THADA: variants seen among roughly 807,000 people sequenced by gnomAD.
THADA encodes the protein tRNA (32-2'-O)-methyltransferase regulator THADA.
Under a neutral mutation model 219.8 loss-of-function variants are expected in THADA, and 213 were observed. That is an observed-to-expected ratio of 0.97 (90% confidence interval 0.87 to 1.09). THADA has a LOEUF of 1.09. Ranked by LOEUF, THADA falls within the 50% of genes least tolerant of loss-of-function variation. The probability of loss-of-function intolerance (pLI) is 0.00; values close to 1 mark genes in which losing one functional copy is unlikely to be tolerated. For synonymous variants in THADA, 1,018 were observed against 828.9 expected (o/e 1.23, Z -3.92); for missense variants, 2,956 against 2,311.3 (o/e 1.28, Z -5.72).
chr2:43,547,977 T>C (rs1414971965), intron 20 of THADA, among the ~76,000 whole-genome samples: 3 of 152,206 alleles, frequency 2.0e-5, no homozygotes, highest in Non-Finnish European at 4.4e-5. Context: ...TGCTCTGTTT[T>C]TTCCCCATCT....
intron 20 of THADA, among the ~76,000 whole-genome samples, chr2:43,548,444 T>C (rs1696334163): frequency 6.6e-6 from 1 of 152,186 alleles, no homozygotes; most frequent in Admixed American, 6.5e-5. Flanking sequence ...TGCTGTCTTT[T>C]TGTTTGTTTG....
chr2:43,353,928 C>T (rs1668575478), intron 29 of THADA, among the ~76,000 whole-genome samples: 1 of 152,134 alleles, frequency 6.6e-6, no homozygotes, highest in South Asian at 2.1e-4. Flanking sequence ...CGCCATTCTC[C>T]TGCCTCAGCC....
rs1695616068 is a variant in THADA at position 43,543,642 on chromosome 2, T to A, written c.3107-2326A>T. ...GATGGCCAGTGATGGTGAGCATTTT[T>A]TCATGTGTTTTCTGGCTGCATAAAT... On this transcript the variant is annotated intron_variant, in intron 20 of 37. Coordinates refer to ENST00000405975, the MANE Select transcript of THADA (RefSeq NM_022065.5). Among the ~76,000 whole-genome samples, 3 of 152,364 alleles carry A rather than the reference T, an allele frequency of 2.0e-5. No homozygotes were observed. The South Asian group carries it at 6.2e-4, about 32-fold the overall frequency.
chr2:43,435,997 T>C (rs1013279122), intron 26 of THADA, among the ~76,000 whole-genome samples: 3 of 152,050 alleles, frequency 2.0e-5, no homozygotes, highest in Admixed American at 2.0e-4. Context: ...CTTAATTCTA[T>C]TTAGCCACCT....
At chr2:43,323,406 C>T (rs1047636622) in intron 30 of THADA, among the ~76,000 whole-genome samples, 1 of 152,082 alleles carries the variant, frequency 6.6e-6, no homozygotes, top group Non-Finnish European at 1.5e-5. Context: ...TCTAGTTTAC[C>T]CTGGGACTCT....
chr2:43,504,731 C>G (rs1025889056), intron 24 of THADA, among the ~76,000 whole-genome samples: 5 of 152,172 alleles, frequency 3.3e-5, no homozygotes, highest in African/African-American at 1.2e-4. Context: ...CTGACCTCAG[C>G]TGATTTGCCA....
chr2:43,241,070 C>G (rs201560008), intron 36 of THADA, among the ~76,000 whole-genome samples: 2 of 152,124 alleles, frequency 1.3e-5, no homozygotes, highest in East Asian at 3.9e-4. Flanking sequence ...TCACCGGGCC[C>G]AGGTGGACCC....
chr2:43,324,634 A>C (rs1425064954), intron 30 of THADA, among the ~76,000 whole-genome samples: 2 of 152,176 alleles, frequency 1.3e-5, no homozygotes, highest in Admixed American at 6.5e-5. Context: ...AATTTTTTTC[A>C]TTCTTTTTCT....
intron 26 of THADA, among the ~76,000 whole-genome samples, chr2:43,483,240 G>T (rs1190680182): frequency 6.6e-6 from 1 of 152,112 alleles, no homozygotes; most frequent in Non-Finnish European, 1.5e-5. Context: ...TTCTTAAAGT[G>T]CCCATTACGT....
At chr2:43,307,118 T>C (rs558205401) in intron 31 of THADA, among the ~76,000 whole-genome samples, 5 of 152,174 alleles carry the variant, frequency 3.3e-5, no homozygotes, top group Non-Finnish European at 7.4e-5. Context: ...TGTATGAAAT[T>C]ATTGTTTTTA....
intron 7 of THADA, 47 bp from the exon 8 acceptor site, chr2:43,581,975 G>C: frequency 7.3e-7 from 1 of 1,371,096 alleles, no homozygotes. Context: ...TCAAACAAAA[G>C]TGTGAACATT....
At chr2:43,288,952 A>G (rs940006642) in intron 34 of THADA, among the ~76,000 whole-genome samples, 2 of 152,088 alleles carry the variant, frequency 1.3e-5, no homozygotes, top group African/African-American at 4.8e-5. Context: ...TCACTTCCCT[A>G]TCCTCCCATC....
At chr2:43,237,808 G>T (rs1668203446) in intron 36 of THADA, among the ~76,000 whole-genome samples, 1 of 151,456 alleles carries the variant, frequency 6.6e-6, no homozygotes, top group African/African-American at 2.4e-5. Flanking sequence ...AAAAACACAA[G>T]CAACACTAGA....
intron 36 of THADA, among the ~76,000 whole-genome samples, chr2:43,271,867 G>A (rs1245086621): frequency 2.0e-5 from 3 of 152,008 alleles, no homozygotes; most frequent in African/African-American, 4.8e-5. Flanking sequence ...CACTTGCCTC[G>A]GCCTCCCAGA....
chr2:43,467,937 C>G (rs2104951118), intron 26 of THADA, among the ~76,000 whole-genome samples: 1 of 152,280 alleles, frequency 6.6e-6, no homozygotes. Flanking sequence ...TGGAAGAAAT[C>G]AAAAGACCGC....
chr2:43,489,874 C>CAAAAAAAAAAAAAAAAAAAAA lies in THADA; in HGVS notation c.3745-4550_3745-4549insTTTTTTTTTTTTTTTTTTTTT, dbSNP rs201735523. Among the ~76,000 whole-genome samples the CAAAAAAAAAAAAAAAAAAAAA allele has an allele frequency of 5.4e-3, 300 of 56,000 alleles. 23 individuals are homozygous for CAAAAAAAAAAAAAAAAAAAAA. The highest frequency in any genetic ancestry group is 0.013 in the South Asian group (18 of 1,376). The allele number at this position is 56,000 out of a possible 152,430, so 36.7% of individuals were successfully genotyped here. On this transcript the variant is annotated intron_variant, in intron 25 of 37. Coordinates refer to ENST00000405975, the MANE Select transcript of THADA (RefSeq NM_022065.5). The stretch of plus-strand genomic sequence containing the variant: ...ATTTCCATATGTATTTTAAGATCTG[C>CAAAAAAAAAAAAAAAAAAAAA]AAAAAAAAAAAAAAAAAAAAGCTAG...
At chr2:43,257,429 G>C (rs867680007) in intron 36 of THADA, among the ~76,000 whole-genome samples, 2 of 152,340 alleles carry the variant, frequency 1.3e-5, no homozygotes, top group South Asian at 4.1e-4. Flanking sequence ...GCTTCTCCCG[G>C]GCCAGCGGGG....
At chr2:43,544,098 T>A (rs6544670) in intron 20 of THADA, among the ~76,000 whole-genome samples, 52,141 of 151,924 alleles carry the variant, frequency 0.34, 9,530 homozygotes, top group African/African-American at 0.47. Flanking sequence ...ATGGCTAGCC[T>A]GTTTTCCCAG....
intron 36 of THADA, among the ~76,000 whole-genome samples, chr2:43,244,458 C>T (rs574790819): frequency 1.3e-5 from 2 of 152,310 alleles, no homozygotes; most frequent in South Asian, 4.1e-4. Context: ...TTCCATTATA[C>T]CCAGTTTTGT....
Sources: allele counts gnomAD v4.1 joint callset (sites outside exome capture counted in the v4.1 genomes callset), GRCh38; gene constraint gnomAD v4.1.1; transcripts MANE v1.5; gene names NCBI Gene and HGNC (gene_info 2026-07-23, HGNC 2026-07-21).